GOLGA4: variants seen among roughly 807,000 people sequenced by gnomAD.
The protein encoded by GOLGA4 is golgin subfamily A member 4.
A neutral mutation model predicts 265.9 loss-of-function variants in GOLGA4; 169 were observed. The ratio of observed to expected loss-of-function variants is 0.64; its 90% CI spans 0.56 to 0.72. The LOEUF is 0.72. Ranked by LOEUF, GOLGA4 falls within the 30% of genes least tolerant of loss-of-function variation. GOLGA4 has a pLI of 0.00. For missense variants in GOLGA4, 2,482 were observed against 2,483.4 expected (o/e 1.00, Z 0.01); for synonymous variants, 923 against 855.8 (o/e 1.08, Z -1.37).
chr3:37,273,574 T>A (rs770274205), intron 2 of GOLGA4: 1 of 1,508,678 alleles, frequency 6.6e-7, no homozygotes, highest in South Asian at 1.2e-5. Context: ...CTGACAGTGT[T>A]AATGGAAGTG....
chr3:37,292,977 G>A (rs932510098), intron 5 of GOLGA4, among the ~76,000 whole-genome samples: 3 of 152,216 alleles, frequency 2.0e-5, no homozygotes, highest in Non-Finnish European at 4.4e-5. Flanking sequence ...ACTTATGAGT[G>A]TACCAGATAG....
At chr3:37,363,069 A>G (rs1041841903) in intron 23 of GOLGA4, among the ~76,000 whole-genome samples, 1 of 152,042 alleles carries the variant, frequency 6.6e-6, no homozygotes, top group Non-Finnish European at 1.5e-5. Context: ...GGCGTGAGCC[A>G]CTGTGCCTGG....
intron 4 of GOLGA4, among the ~76,000 whole-genome samples, chr3:37,287,305 C>T (rs1166204756): frequency 6.6e-6 from 1 of 152,218 alleles, no homozygotes; most frequent in African/African-American, 2.4e-5. Context: ...CGTGCCATTG[C>T]ACTCCAGCCT....
intron 2 of GOLGA4, among the ~76,000 whole-genome samples, chr3:37,263,721 G>C (rs2096776281): frequency 6.6e-6 from 1 of 152,170 alleles, no homozygotes; most frequent in Non-Finnish European, 1.5e-5. Flanking sequence ...ATGAGAGTAT[G>C]AGACATAGAT....
Position 37,281,951 on chromosome 3 carries a change from G to C in GOLGA4, c.163-7G>C. On this transcript the variant is annotated splice_polypyrimidine_tract_variant and splice_region_variant and intron_variant, in intron 2 of 23. Transcript: ENST00000361924. ...AATCCACACATTCTGTTGGGTTTTG[G>C]TTGCAGTCAGGTGACACACAGTCTT... is the stretch of plus-strand genomic sequence containing the variant. The C allele has an allele frequency of 1.9e-6, 3 of 1,602,168 alleles. No homozygotes were observed. The highest frequency in any genetic ancestry group is 1.7e-6 in the Non-Finnish European group (2 of 1,171,848).
intron 2 of GOLGA4, among the ~76,000 whole-genome samples, chr3:37,274,882 C>T (rs2096809943): frequency 6.6e-6 from 1 of 151,874 alleles, no homozygotes. Flanking sequence ...GATTTGTGAA[C>T]TAAATTACAT....
At chr3:37,352,066 G>A (rs1255459602) in intron 21 of GOLGA4, among the ~76,000 whole-genome samples, 1 of 152,174 alleles carries the variant, frequency 6.6e-6, no homozygotes, top group South Asian at 2.1e-4. Flanking sequence ...GTTGTTTAGT[G>A]TAAACATCTT....
intron 1 of GOLGA4, among the ~76,000 whole-genome samples, chr3:37,246,632 C>T (rs2096720442): frequency 6.6e-6 from 1 of 152,070 alleles, no homozygotes; most frequent in Admixed American, 6.6e-5. Context: ...TGGGGAGTTA[C>T]TGTGTAGTGG....
rs559940979 is a variant in GOLGA4 at position 37,315,684 on chromosome 3, AGTTT to A, written c.1413+93_1413+96del. On this transcript the variant is annotated intron_variant, in intron 11 of 23. Coordinates refer to ENST00000361924, the MANE Select transcript of GOLGA4 (RefSeq NM_002078.5). Reference sequence around the variant, plus strand: ...CTTACACTCTTTGACTGTAAAGAAGAGTTTGTTTGTATTTTAGACATTGACTGTT... The same window carrying A: ...CTTACACTCTTTGACTGTAAAGAAGAGTTTGTATTTTAGACATTGACTGTT... The A allele has an allele frequency of 1.7e-3, 1,928 of 1,142,444 alleles. 5 individuals carry two copies. Among genetic ancestry groups the A allele is most frequent in the Non-Finnish European group, 2.3e-3 (1,774 of 780,416 alleles). The allele number at this position is 1,142,444 out of a possible 1,614,324, so 70.8% of individuals were successfully genotyped here.
intron 19 of GOLGA4, among the ~76,000 whole-genome samples, chr3:37,338,592 A>G (rs1330817255): frequency 6.6e-6 from 1 of 152,232 alleles, no homozygotes; most frequent in Non-Finnish European, 1.5e-5. Flanking sequence ...GAATATACAC[A>G]TTAAAAGTTA....
intron 2 of GOLGA4, among the ~76,000 whole-genome samples, chr3:37,252,053 A>G (rs2096735386): frequency 6.6e-6 from 1 of 152,222 alleles, no homozygotes; most frequent in Admixed American, 6.5e-5. Flanking sequence ...CATTTTTTCA[A>G]GCTGGTGAGT....
chr3:37,331,030 CAAA>C (rs1205353359), intron 16 of GOLGA4, among the ~76,000 whole-genome samples: 1 of 63,090 alleles, frequency 1.6e-5, no homozygotes, highest in Admixed American at 1.7e-4. Context: ...GACTCCGTCT[CAAA>C]AAAAAAAAAA....
At chr3:37,335,586 T>C (rs1463133748) in intron 17 of GOLGA4, among the ~76,000 whole-genome samples, 2 of 152,364 alleles carry the variant, frequency 1.3e-5, no homozygotes, top group East Asian at 3.9e-4. Context: ...TACTCTATAA[T>C]ACATCCTTAG....
intron 1 of GOLGA4, among the ~76,000 whole-genome samples, chr3:37,248,336 G>A (rs2096725059): frequency 6.6e-6 from 1 of 152,226 alleles, no homozygotes; most frequent in Non-Finnish European, 1.5e-5. Flanking sequence ...TTAGGCAGTG[G>A]GCAATAAAAT....
At chr3:37,286,640 C>T (rs946912583) in intron 4 of GOLGA4, among the ~76,000 whole-genome samples, 2 of 152,186 alleles carry the variant, frequency 1.3e-5, no homozygotes, top group East Asian at 1.9e-4. Flanking sequence ...TTAGGATTTA[C>T]AGCATGCCTC....
chr3:37,324,276 C>G lies in GOLGA4; in HGVS notation c.2390C>G (p.Ser797Cys), dbSNP rs147542507. Residue 797 changes from serine (S) to cysteine (C), a missense_variant, in exon 14 of 24, where the codon TCT becomes TGT. By Grantham distance (112) the Ser-to-Cys change is moderately radical. This residue lies in a region of GOLGA4 where 1,536 missense variants were observed against 1,483.7 expected (regional missense o/e 1.04). Coordinates refer to ENST00000361924, the MANE Select transcript of GOLGA4 (RefSeq NM_002078.5). Reference protein sequence around the residue: ...KRSEGELQQASAKLDVFQSYQ... With the variant: ...KRSEGELQQACAKLDVFQSYQ... ...TCTGAAGGGGAACTCCAGCAGGCAT[C>G]TGCTAAGCTGGACGTTTTTCAGTCT... The G allele has an allele frequency of 2.0e-5, 32 of 1,614,010 alleles. No individual in the cohort carries two copies. The African/African-American group carries it at 4.0e-4, about 20-fold the overall frequency.
chr3:37,243,459 TA>T lies in GOLGA4; in HGVS notation c.-89del. ...GGCCCGGCCCCCGCTGTCCCTGGTG[TA>T]AAGAAGTCGCCGTAGCCGTCGCGGC... is the stretch of plus-strand genomic sequence containing the variant. On this transcript the variant is annotated 5_prime_UTR_variant, in exon 1 of 24. Transcript: ENST00000361924. 9.2e-7 allele frequency: 1 copy of T among 1,088,406 alleles called. No homozygotes were observed. Among genetic ancestry groups the T allele is most frequent in the South Asian group, 1.3e-5 (1 of 79,958 alleles). The allele number at this position is 1,088,406 out of a possible 1,614,324, so 67.4% of individuals were successfully genotyped here.
At chr3:37,314,485 A>G (rs999334005) in intron 10 of GOLGA4, among the ~76,000 whole-genome samples, 5 of 151,964 alleles carry the variant, frequency 3.3e-5, no homozygotes, top group African/African-American at 1.2e-4. Flanking sequence ...TACTAAAAAT[A>G]CAAAAATTAG....
At chr3:37,300,987 G>A (rs1341551606) in intron 9 of GOLGA4, among the ~76,000 whole-genome samples, 3 of 152,048 alleles carry the variant, frequency 2.0e-5, no homozygotes, top group Non-Finnish European at 2.9e-5. Context: ...GAAACTGAAA[G>A]CCCATGATTT....
Sources: allele counts gnomAD v4.1 joint callset (sites outside exome capture counted in the v4.1 genomes callset), GRCh38; gene constraint gnomAD v4.1.1; regional missense constraint gnomAD v4.1.1; transcripts MANE v1.5; gene names NCBI Gene and HGNC (gene_info 2026-07-23, HGNC 2026-07-21).